MDGA2: variants seen among roughly 807,000 people sequenced by gnomAD.
MDGA2 encodes the protein MAM domain containing glycosylphosphatidylinositol anchor 2, also known as MAM domain-containing glycosylphosphatidylinositol anchor protein 2.
Under a neutral mutation model 117.8 loss-of-function variants are expected in MDGA2, and 40 were observed. The observed-to-expected ratio is 0.34, with a 90% confidence interval of 0.26 to 0.44. The LOEUF is 0.44. Ranked by LOEUF, MDGA2 falls within the 20% of genes least tolerant of loss-of-function variation. The pLI, the probability that MDGA2 is intolerant of heterozygous loss-of-function variation, is 1.00. For missense variants in MDGA2, 1,123 were observed against 1,250.6 expected (o/e 0.90, Z 1.54); for synonymous variants, 452 against 439.0 (o/e 1.03, Z -0.37).
At chr14:47,129,263 C>T (rs1281841321) in intron 5 of MDGA2, among the ~76,000 whole-genome samples, 1 of 150,962 alleles carries the variant, frequency 6.6e-6, no homozygotes, top group Non-Finnish European at 1.5e-5. Flanking sequence ...CACAACAGTC[C>T]CCAGAGTGTG....
chr14:47,595,114 G>A (rs1473241921), intron 1 of MDGA2, among the ~76,000 whole-genome samples: 3 of 151,808 alleles, frequency 2.0e-5, no homozygotes, highest in Non-Finnish European at 2.9e-5. Flanking sequence ...TCTTATCCCC[G>A]AAAGAGACTA....
chr14:47,619,116 T>TATAC (rs140667074), intron 1 of MDGA2, among the ~76,000 whole-genome samples: 3,900 of 90,734 alleles, frequency 0.043, 96 homozygotes, highest in African/African-American at 0.076. Flanking sequence ...TCAGTTTAAT[T>TATAC]ACACACACAC....
intron 6 of MDGA2, among the ~76,000 whole-genome samples, chr14:47,061,784 G>A (rs1218881134): frequency 6.6e-6 from 1 of 151,912 alleles, no homozygotes; most frequent in Non-Finnish European, 1.5e-5. Context: ...GTCAATTAAA[G>A]ACTGTGAACA....
At chr14:47,329,559 A>G (rs1396423801) in intron 1 of MDGA2, among the ~76,000 whole-genome samples, 1 of 151,944 alleles carries the variant, frequency 6.6e-6, no homozygotes, top group Admixed American at 6.6e-5. Flanking sequence ...AGTGTGGTTT[A>G]TTTTCTTCCA....
chr14:47,248,584 A>C (rs1217132586), intron 2 of MDGA2, among the ~76,000 whole-genome samples: 1 of 146,352 alleles, frequency 6.8e-6, no homozygotes, highest in African/African-American at 2.4e-5. Flanking sequence ...GTAATAAAAT[A>C]AGTCAAAATT....
At chr14:47,047,550 C>T (rs984427913) in intron 7 of MDGA2, among the ~76,000 whole-genome samples, 18 of 152,016 alleles carry the variant, frequency 1.2e-4, no homozygotes, top group Non-Finnish European at 8.8e-5. Flanking sequence ...TTTCAGTTTA[C>T]GTAAAGTGAG....
intron 1 of MDGA2, among the ~76,000 whole-genome samples, chr14:47,445,691 G>A (rs1893107106): frequency 6.6e-6 from 1 of 151,928 alleles, no homozygotes; most frequent in African/African-American, 2.4e-5. Flanking sequence ...ATCCAGAGAG[G>A]GACAGCAATA....
At chr14:47,623,085 A>C (rs1897079228) in intron 1 of MDGA2, among the ~76,000 whole-genome samples, 1 of 152,278 alleles carries the variant, frequency 6.6e-6, no homozygotes, top group South Asian at 2.1e-4. Flanking sequence ...TGCCTTCATG[A>C]ATGGATTAAT....
At chr14:47,468,511 A>G (rs1375189532) in intron 1 of MDGA2, among the ~76,000 whole-genome samples, 1 of 152,092 alleles carries the variant, frequency 6.6e-6, no homozygotes, top group African/African-American at 2.4e-5. Context: ...GTGAATACCA[A>G]CTCTGATTGT....
chr14:46,968,154 G>A (rs923146038), intron 8 of MDGA2, among the ~76,000 whole-genome samples: 1 of 152,178 alleles, frequency 6.6e-6, no homozygotes, highest in Non-Finnish European at 1.5e-5. Context: ...GTGGAGGGCA[G>A]GAGGCTGGGC....
intron 1 of MDGA2, among the ~76,000 whole-genome samples, chr14:47,644,861 T>A (rs1263262965): frequency 6.6e-6 from 1 of 152,004 alleles, no homozygotes; most frequent in East Asian, 1.9e-4. Context: ...TAAAAATAAA[T>A]CTTAAAAATA....
chr14:47,440,246 TG>T (rs1378950322), intron 1 of MDGA2, among the ~76,000 whole-genome samples: 4 of 152,146 alleles, frequency 2.6e-5, no homozygotes. Flanking sequence ...AGTACACATT[TG>T]GGGCAGACCT....
At chr14:47,079,922 G>A (rs936310725) in intron 6 of MDGA2, among the ~76,000 whole-genome samples, 3 of 151,624 alleles carry the variant, frequency 2.0e-5, no homozygotes, top group African/African-American at 4.9e-5. Context: ...TAGTAGAGAC[G>A]GGGTTTCACC....
chr14:46,896,612 G>A (rs1221899333), intron 10 of MDGA2, among the ~76,000 whole-genome samples: 1 of 151,880 alleles, frequency 6.6e-6, no homozygotes, highest in Non-Finnish European at 1.5e-5. Flanking sequence ...GAACAGACAT[G>A]AGCATGAGGA....
chr14:47,600,816 C>T (rs1896634282), intron 1 of MDGA2, among the ~76,000 whole-genome samples: 2 of 151,766 alleles, frequency 1.3e-5, no homozygotes, highest in South Asian at 4.2e-4. Flanking sequence ...TGTCTGATTG[C>T]TCAGAAGTCA....
chr14:47,401,454 G>A (rs574551235), intron 1 of MDGA2, among the ~76,000 whole-genome samples: 2 of 152,276 alleles, frequency 1.3e-5, no homozygotes, highest in East Asian at 3.9e-4. Context: ...CGATAATGTA[G>A]CCTAATTATG....
chr14:47,443,562 G>A (rs990134604), intron 1 of MDGA2, among the ~76,000 whole-genome samples: 1 of 151,952 alleles, frequency 6.6e-6, no homozygotes, highest in African/African-American at 2.4e-5. Context: ...TCATTGTTCT[G>A]CATTTCACCA....
rs1420022377 is a variant in MDGA2 at position 47,185,605 on chromosome 14, G to T, written c.595+32416C>A. 2.0e-5 allele frequency among the ~76,000 whole-genome samples: 3 copies of T among 151,410 alleles called. No individual in the cohort carries two copies. In the East Asian group the frequency reaches 5.8e-4, roughly 29 times the overall value. On this transcript the variant is annotated intron_variant, in intron 3 of 16. Coordinates refer to ENST00000399232, the MANE Select transcript of MDGA2 (RefSeq NM_001113498.3). The stretch of plus-strand genomic sequence containing the variant: ...TCAAAACTGTAAAAAGAAACATGTA[G>T]ACAATTTACAGAGAATGTTTACCAA...
At chr14:47,568,163 G>T (rs1163590509) in intron 1 of MDGA2, among the ~76,000 whole-genome samples, 1 of 152,084 alleles carries the variant, frequency 6.6e-6, no homozygotes, top group Non-Finnish European at 1.5e-5. Flanking sequence ...GGATTTTATG[G>T]AACTCATGCT....
Sources: allele counts gnomAD v4.1 joint callset (sites outside exome capture counted in the v4.1 genomes callset), GRCh38; gene constraint gnomAD v4.1.1; transcripts MANE v1.5; gene names NCBI Gene and HGNC (gene_info 2026-07-23, HGNC 2026-07-21).